C5: variants seen among roughly 807,000 people sequenced by gnomAD.
C5 encodes complement C5.
In C5, 140 loss-of-function variants were observed where a neutral mutation model predicts 218.8. That is an observed-to-expected ratio of 0.64 (90% CI 0.56 to 0.74). The LOEUF is 0.74. Among genes scored for constraint, C5 ranks in the 30% least tolerant of loss-of-function variants. C5 has a pLI of 0.00. For synonymous variants in C5, 614 were observed against 682.3 expected (o/e 0.90, Z 1.56); for missense variants, 1,700 against 1,969.6 (o/e 0.86, Z 2.59).
intron 17 of C5, among the ~76,000 whole-genome samples, chr9:121,012,282 A>G (rs1241252145): frequency 6.6e-6 from 1 of 152,172 alleles, no homozygotes; most frequent in Non-Finnish European, 1.5e-5. Context: ...AGAGAAAAAA[A>G]AGCCAAATCC....
At position 121,008,456 on chromosome 9, in the gene C5, C is replaced by T. The variant is rs774097279; in HGVS notation, c.2300G>A (p.Ser767Asn). The T allele has an allele frequency of 3.1e-6, 5 of 1,613,828 alleles. No individual in the cohort carries two copies. In the South Asian group the frequency reaches 5.5e-5, roughly 18 times the overall value. Residue 767 changes from serine to asparagine, a missense_variant, in exon 18 of 41, where the codon AGT becomes AAT. Ser to Asn is a conservative substitution (Grantham distance 46). Coordinates refer to ENST00000223642, the MANE Select transcript of C5 (RefSeq NM_001735.3). ...LLPVSKPEIRSYFPESWLWEV... is the reference protein window; with the variant it reads ...LLPVSKPEIRNYFPESWLWEV... The stretch of plus-strand genomic sequence containing the variant: ...CCACAACCAGCTTTCTGGAAAATAA[C>T]TCCGAATTTCTGGCTTGCTTACTGG...
intron 38 of C5, 94 bp downstream of exon 38, chr9:120,960,154 T>C: frequency 1.3e-6 from 1 of 796,972 alleles, no homozygotes. Context: ...GTTGTATTCA[T>C]ATAATCACTA....
intron 4 of C5, among the ~76,000 whole-genome samples, chr9:121,035,740 T>TC (rs1484142013): frequency 6.6e-6 from 1 of 151,582 alleles, no homozygotes; most frequent in Admixed American, 6.6e-5. Flanking sequence ...CAGCTATTTT[T>TC]TTTTTTTTAA....
chr9:121,040,532 G>A (rs1464767887), intron 3 of C5, among the ~76,000 whole-genome samples: 3 of 152,060 alleles, frequency 2.0e-5, no homozygotes, highest in Non-Finnish European at 4.4e-5. Context: ...ATAACAAGAC[G>A]ATTAAAAAAT....
In C5 at chr9:121,015,271, T is replaced by C. The variant is rs1482339142; in HGVS notation, c.1997-10A>G. ...TCTTTACAAGGTTCATCTGGTTTTT[T>C]TAAAAAAAGATAAAGAAGAAGGATT... On this transcript the variant is annotated splice_polypyrimidine_tract_variant and intron_variant, in intron 15 of 40. Transcript: ENST00000223642. The C allele has an allele frequency of 4.4e-6, 7 of 1,582,182 alleles. No homozygotes were observed. The Admixed American group carries it at 5.0e-5, about 11-fold the overall frequency.
intron 5 of C5, among the ~76,000 whole-genome samples, chr9:121,033,742 G>A (rs1409732762): frequency 6.6e-6 from 1 of 152,206 alleles, no homozygotes; most frequent in East Asian, 1.9e-4. Context: ...TTCAGTCAGC[G>A]AATTAACTGA....
intron 17 of C5, 132 bp downstream of exon 17, chr9:121,013,741 T>C (rs2047282377): frequency 2.3e-6 from 2 of 851,960 alleles, no homozygotes; most frequent in Non-Finnish European, 3.7e-6. Context: ...TTTTTTTTCT[T>C]ATGGACATTT....
intron 7 of C5, 147 bp downstream of exon 7, chr9:121,030,250 C>CTT (rs1451262935): frequency 3.5e-5 from 20 of 566,788 alleles, no homozygotes; most frequent in Non-Finnish European, 3.2e-5. Context: ...GAACTACCAG[C>CTT]ATGATGTCTC....
chr9:121,072,466 G>A, the C5 span, among the ~76,000 whole-genome samples: 1 of 151,972 alleles, frequency 6.6e-6, no homozygotes, highest in East Asian at 1.9e-4. Context: ...ACTCAGCAAC[G>A]TACACATTCC....
chr9:120,992,026 C>A (rs1430112326), intron 22 of C5, among the ~76,000 whole-genome samples: 1 of 152,206 alleles, frequency 6.6e-6, no homozygotes, highest in Non-Finnish European at 1.5e-5. Flanking sequence ...AGTTTTGCTG[C>A]AGAGCCCACA....
In C5 at chr9:121,029,996, G is replaced by C. The variant is rs1201063018; in HGVS notation, c.758+401C>G. Among the ~76,000 whole-genome samples, 4 of 152,226 alleles carry C rather than the reference G, an allele frequency of 2.6e-5. No homozygotes were observed. In the East Asian group the frequency reaches 7.7e-4, roughly 29 times the overall value. ...CCCAGATCAGCAGAACTTCCCAGCTGACTCATAAATGTGGGAGTTTCAAGG... is the reference window on the plus strand; with the variant it reads ...CCCAGATCAGCAGAACTTCCCAGCTCACTCATAAATGTGGGAGTTTCAAGG... On this transcript the variant is annotated intron_variant, in intron 7 of 40. Coordinates refer to ENST00000223642, the MANE Select transcript of C5 (RefSeq NM_001735.3).
chr9:120,989,495 C>G, intron 24 of C5, 73 bp downstream of exon 24: 1 of 1,000,990 alleles, frequency 1.0e-6, no homozygotes, highest in Non-Finnish European at 1.5e-6. Flanking sequence ...TAATTCACAA[C>G]TTAAATATTA....
intron 9 of C5, 73 bp downstream of exon 9, chr9:121,025,381 C>T: frequency 7.3e-7 from 1 of 1,373,936 alleles, no homozygotes; most frequent in Non-Finnish European, 9.6e-7. Context: ...TTATTTATAT[C>T]TTTAATATTC....
Position 121,033,238 on chromosome 9 carries a change from G to C in C5, c.585-1043C>G, listed in dbSNP as rs2047493408. ...AACTGCTGGTGTGCAATACAGACAAGGCCCACCTTAAAGAGTTTATAAGCT... is the reference window on the plus strand; with the variant it reads ...AACTGCTGGTGTGCAATACAGACAACGCCCACCTTAAAGAGTTTATAAGCT... On this transcript the variant is annotated intron_variant, in intron 5 of 40. Transcript: ENST00000223642. Among the ~76,000 whole-genome samples the C allele has an allele frequency of 1.3e-5, 2 of 152,084 alleles. 1 individual carries two copies. The highest frequency in any genetic ancestry group is 4.1e-4 in the South Asian group (2 of 4,826).
intron 33 of C5, among the ~76,000 whole-genome samples, chr9:120,966,697 G>A (rs1254388822): frequency 6.6e-6 from 1 of 152,172 alleles, no homozygotes; most frequent in Non-Finnish European, 1.5e-5. Context: ...GAAGCTGCCT[G>A]GGAAAGGGCG....
At chr9:121,055,029 T>C (rs978735906), upstream of C5, among the ~76,000 whole-genome samples, 2 of 152,140 alleles carry the variant, frequency 1.3e-5, no homozygotes, top group Non-Finnish European at 2.9e-5. Flanking sequence ...GACAATAGCT[T>C]AACCCTCTCA....
chr9:121,006,912 G>A lies in C5; in HGVS notation c.2414C>T (p.Ser805Leu). The A allele has an allele frequency of 6.2e-7, 1 of 1,605,162 alleles. No homozygotes were observed. Residue 805 changes from serine to leucine, a missense_variant, in exon 19 of 41, where the codon TCA (serine) becomes TTA (leucine). Transcript: ENST00000223642. ...TTWEIQGVGISNTGICVADTV... is the reference protein window; with the variant it reads ...TTWEIQGVGILNTGICVADTV... ...CACTTAAACCTGCTTACCAGTGTTT[G>A]AAATGCCAACGCCTTGAATTTCCCA...
chr9:121,051,263 C>T (rs1469587614), upstream of C5, among the ~76,000 whole-genome samples: 2 of 151,938 alleles, frequency 1.3e-5, no homozygotes, highest in East Asian at 3.9e-4. Flanking sequence ...GCTGGGACTA[C>T]AGGCATGTCC....
At chr9:120,988,152 A>G (rs2047048493) in intron 25 of C5, among the ~76,000 whole-genome samples, 1 of 152,164 alleles carries the variant, frequency 6.6e-6, no homozygotes, top group Non-Finnish European at 1.5e-5. Flanking sequence ...TCTTTCCCTC[A>G]AATCATCAGA....
Sources: allele counts gnomAD v4.1 joint callset (sites outside exome capture counted in the v4.1 genomes callset), GRCh38; gene constraint gnomAD v4.1.1; transcripts MANE v1.5; gene names NCBI Gene and HGNC (gene_info 2026-07-23, HGNC 2026-07-21).